Variants in PSMA1 observed in about 807,000 individuals in gnomAD.
PSMA1 encodes the protein proteasome subunit alpha type-1.
A neutral mutation model predicts 38.4 loss-of-function variants in PSMA1; 3 were observed. The ratio of observed to expected loss-of-function variants is 0.08; its 90% confidence interval spans 0.04 to 0.20. PSMA1 has a LOEUF of 0.20. PSMA1 is among the 10% of genes least tolerant of loss of function. The pLI, the probability that PSMA1 is intolerant of heterozygous loss-of-function variation, is 1.00. For missense variants in PSMA1, 227 were observed against 325.3 expected (o/e 0.70, Z 2.32); for synonymous variants, 101 against 107.1 (o/e 0.94, Z 0.35).
chr11:14,520,224 G>C, intron 1 of PSMA1, 73 bp downstream of exon 1: 1 of 1,604,050 alleles, frequency 6.2e-7, no homozygotes, highest in Non-Finnish European at 8.5e-7. Context: ...AAGGATGACA[G>C]GAGAGGTGGC....
At chr11:14,585,801 G>A (rs1447877749) in intron 2 of PSMA1, among the ~76,000 whole-genome samples, 1 of 152,120 alleles carries the variant, frequency 6.6e-6, no homozygotes, top group Non-Finnish European at 1.5e-5. Context: ...AATCTATCCA[G>A]AGAGCTCTTG....
At chr11:14,546,530 C>T (rs1281151411) in intron 2 of PSMA1, among the ~76,000 whole-genome samples, 4 of 152,008 alleles carry the variant, frequency 2.6e-5, no homozygotes, top group African/African-American at 4.8e-5. Flanking sequence ...CTCTGCCTCT[C>T]GGGTTCAAGC....
At chr11:14,623,911 G>T (rs1051661738) in intron 1 of PSMA1, among the ~76,000 whole-genome samples, 1 of 152,124 alleles carries the variant, frequency 6.6e-6, no homozygotes. Flanking sequence ...CAACTACAAG[G>T]GCTAGAGGGT....
chr11:14,559,595 G>T (rs1565044668), intron 2 of PSMA1, among the ~76,000 whole-genome samples: 4 of 152,194 alleles, frequency 2.6e-5, no homozygotes, highest in Admixed American at 2.0e-4. Flanking sequence ...AGAACTGAAA[G>T]GCTGGCTGCT....
At chr11:14,555,651 T>C (rs1180228894) in intron 2 of PSMA1, among the ~76,000 whole-genome samples, 1 of 152,166 alleles carries the variant, frequency 6.6e-6, no homozygotes, top group African/African-American at 2.4e-5. Flanking sequence ...ACTTTTCAGT[T>C]TTAGATATCA....
At chr11:14,541,571 C>A (rs1364562685) in intron 2 of PSMA1, among the ~76,000 whole-genome samples, 1 of 152,188 alleles carries the variant, frequency 6.6e-6, no homozygotes, top group Non-Finnish European at 1.5e-5. Context: ...ATTGGCAGGG[C>A]TCTGGAGCCT....
chr11:14,633,121 CCTT>C (rs1390732484), intron 1 of PSMA1, among the ~76,000 whole-genome samples: 1 of 152,112 alleles, frequency 6.6e-6, no homozygotes, highest in Non-Finnish European at 1.5e-5. Flanking sequence ...TCATCTGAAG[CCTT>C]CTTCTCTCAG....
At position 14,616,231 on chromosome 11, in the gene PSMA1, G is replaced by GTTTTTTTTTT. The variant is rs34292683; in HGVS notation, c.-165-5090_-165-5081dup. Among the ~76,000 whole-genome samples, 3 of 126,686 alleles carry GTTTTTTTTTT rather than the reference G, an allele frequency of 2.4e-5. 1 individual carries two copies. The allele number at this position is 126,686 out of a possible 152,430, so 83.1% of individuals were successfully genotyped here. ...AGGTGAGAGTTGGAGGATCCCAACA[G>GTTTTTTTTTT]TTTTTTTTTTTTTTTTTTTTGAGAC... On this transcript the variant is annotated intron_variant, in intron 1 of 10. Transcript: ENST00000418988.
At chr11:14,589,204 A>T (rs917992371) in intron 2 of PSMA1, among the ~76,000 whole-genome samples, 2 of 152,098 alleles carry the variant, frequency 1.3e-5, no homozygotes, top group Non-Finnish European at 2.9e-5. Flanking sequence ...TAAAAATGTG[A>T]AGTTAAATAT....
chr11:14,639,584 C>T (rs1395433544), intron 1 of PSMA1, among the ~76,000 whole-genome samples: 2 of 152,140 alleles, frequency 1.3e-5, no homozygotes, highest in Non-Finnish European at 2.9e-5. Flanking sequence ...TGTAAATAAG[C>T]AAATATGATA....
At chr11:14,642,207 T>TG (rs779512570) in intron 1 of PSMA1, among the ~76,000 whole-genome samples, 2 of 152,240 alleles carry the variant, frequency 1.3e-5, no homozygotes, top group African/African-American at 2.4e-5. Context: ...ATAATGCTGG[T>TG]GCTAGTTTTG....
At chr11:14,635,576 GC>G (rs1853104619) in intron 1 of PSMA1, among the ~76,000 whole-genome samples, 1 of 152,120 alleles carries the variant, frequency 6.6e-6, no homozygotes, top group South Asian at 2.1e-4. Flanking sequence ...TCTTTATTTT[GC>G]TTTTCATTAG....
rs913729561 is a variant in PSMA1 at position 14,534,817 on chromosome 11, C to A, written c.22-15776G>T. ...TTATAGGAGGCCAGGTGCGGTGGCTCACGCCTGTAATCCCAGCACTTTGGG... is the reference window on the plus strand; with the variant it reads ...TTATAGGAGGCCAGGTGCGGTGGCTAACGCCTGTAATCCCAGCACTTTGGG... On this transcript the variant is annotated intron_variant, in intron 2 of 10. Transcript: ENST00000418988. The surrounding 1 kb of genome is among the most constrained non-coding windows in gnomAD (Gnocchi z 4.5). Among the ~76,000 whole-genome samples the A allele has an allele frequency of 6.6e-6, 1 of 152,204 alleles. No homozygotes were observed. The highest frequency in any genetic ancestry group is 2.4e-5 in the African/African-American group (1 of 41,442).
intron 1 of PSMA1, among the ~76,000 whole-genome samples, chr11:14,628,212 A>T (rs1310198040): frequency 6.6e-6 from 1 of 151,218 alleles, no homozygotes; most frequent in Non-Finnish European, 1.5e-5. Context: ...ACACGTGCAC[A>T]TTGTGCAGGT....
chr11:14,505,727 G>A (rs1041009311), intron 9 of PSMA1, among the ~76,000 whole-genome samples: 1 of 152,068 alleles, frequency 6.6e-6, no homozygotes, highest in African/African-American at 2.4e-5. Context: ...CTATTTGGTC[G>A]GGTGCAGCAG....
intron 2 of PSMA1, among the ~76,000 whole-genome samples, chr11:14,539,364 T>C (rs913281583): frequency 6.6e-6 from 1 of 151,986 alleles, no homozygotes; most frequent in African/African-American, 2.4e-5. Context: ...TTACACAGAG[T>C]TGATTAGAGA....
intron 2 of PSMA1, among the ~76,000 whole-genome samples, chr11:14,571,217 C>G (rs1377255354): frequency 6.6e-6 from 1 of 152,174 alleles, no homozygotes; most frequent in African/African-American, 2.4e-5. Context: ...AACCCACCAC[C>G]ACGCCCGGCT....
chr11:14,599,152 T>C (rs1397863458), intron 2 of PSMA1, among the ~76,000 whole-genome samples: 1 of 152,234 alleles, frequency 6.6e-6, no homozygotes, highest in Non-Finnish European at 1.5e-5. Context: ...CCAACCTTTC[T>C]CTCTGGCTGC....
intron 2 of PSMA1, among the ~76,000 whole-genome samples, chr11:14,541,120 A>G (rs1303556901): frequency 1.3e-5 from 2 of 152,238 alleles, no homozygotes; most frequent in Admixed American, 1.3e-4. Context: ...CTAAAGTTAT[A>G]TATAACAATA....
Sources: gnomAD v4.1 joint callset for allele counts (sites outside exome capture counted in the v4.1 genomes callset) on GRCh38, gnomAD v4.1.1 for gene constraint, Gnocchi (gnomAD v3.1) non-coding constraint, MANE v1.5 for transcripts, NCBI Gene and HGNC (gene_info 2026-07-23, HGNC 2026-07-21) for gene names.